Variants in TNPO1 observed in about 807,000 individuals in gnomAD.
TNPO1 encodes the protein transportin 1.
TNPO1 carries 8 observed loss-of-function variants against 119.5 expected under a neutral mutation model. That is an observed-to-expected ratio of 0.07 (90% CI 0.04 to 0.12). The LOEUF is 0.12. Among genes scored for constraint, TNPO1 ranks in the 10% least tolerant of loss-of-function variants. The pLI is 1.00. For missense variants in TNPO1, 576 were observed against 1,089.8 expected, an observed-to-expected ratio of 0.53 and a Z score of 6.64; for synonymous variants, 362 against 363.0, an observed-to-expected ratio of 1.00 and a Z score of 0.03.
chr5:72,874,608 G>A (rs1747636848), intron 7 of TNPO1, among the ~76,000 whole-genome samples: 1 of 152,188 alleles, frequency 6.6e-6, no homozygotes, highest in Non-Finnish European at 1.5e-5. Context: ...AGTTTTGAGA[G>A]TGTCAAATGT....
At chr5:72,835,287 C>T (rs542070846) in intron 1 of TNPO1, among the ~76,000 whole-genome samples, 50 of 152,150 alleles carry the variant, frequency 3.3e-4, no homozygotes, top group South Asian at 1.2e-3. Context: ...TCCAATATTT[C>T]TGTTTTGATT....
At chr5:72,836,933 A>T (rs1310382193) in intron 1 of TNPO1, among the ~76,000 whole-genome samples, 1 of 152,074 alleles carries the variant, frequency 6.6e-6, no homozygotes, top group Non-Finnish European at 1.5e-5. Context: ...TGTCTCAGAG[A>T]CCTCATCAGA....
At position 72,854,994 on chromosome 5, in the gene TNPO1, A is replaced by AT. The variant is rs1293038685; in HGVS notation, c.206-770dup. On this transcript the variant is annotated intron_variant, in intron 3 of 24. Transcript: ENST00000337273. ...CACTGGAGGAAAATGATTTCAAAAA[A>AT]TTTTTTTTTTGTTTTTGAGACAGTC... 3.5e-4 allele frequency among the ~76,000 whole-genome samples: 53 copies of AT among 150,356 alleles called. No homozygotes were observed. The South Asian group carries it at 9.5e-3, about 27-fold the overall frequency.
chr5:72,870,206 A>G (rs1417736004), intron 6 of TNPO1, among the ~76,000 whole-genome samples: 2 of 125,908 alleles, frequency 1.6e-5, no homozygotes, highest in Non-Finnish European at 3.1e-5. Context: ...TGTCTCCCAC[A>G]CTAGAGTGCA....
chr5:72,822,463 C>A (rs1316696550), intron 1 of TNPO1, among the ~76,000 whole-genome samples: 1 of 151,928 alleles, frequency 6.6e-6, no homozygotes, highest in African/African-American at 2.4e-5. Context: ...GTTTCCATTT[C>A]TTAGAGAAAC....
intron 11 of TNPO1, among the ~76,000 whole-genome samples, chr5:72,886,605 G>A (rs949676918): frequency 1.3e-5 from 2 of 152,066 alleles, no homozygotes; most frequent in Non-Finnish European, 2.9e-5. Context: ...CATCTTAATA[G>A]AAAATGTTTT....
In TNPO1 at chr5:72,863,076, A is replaced by G. The variant is rs1282365624; in HGVS notation, c.462+1162A>G. The stretch of plus-strand genomic sequence containing the variant: ...TTTTTTTGCCACTGATTAGATCACT[A>G]GCATCCTTTTTGTTTGGGGAGAGAG... On this transcript the variant is annotated intron_variant, in intron 5 of 24. Transcript: ENST00000337273. Among the ~76,000 whole-genome samples the G allele has an allele frequency of 2.0e-5, 3 of 150,826 alleles. No homozygotes were observed. In the East Asian group the frequency reaches 5.8e-4, roughly 29 times the overall value.
intron 4 of TNPO1, among the ~76,000 whole-genome samples, chr5:72,856,925 C>T (rs191711272): frequency 6.6e-6 from 1 of 152,260 alleles, no homozygotes; most frequent in East Asian, 1.9e-4. Flanking sequence ...CTTTAGTATA[C>T]CATGGGCTTA....
chr5:72,819,945 T>C lies in TNPO1; in HGVS notation c.15+3193T>C, dbSNP rs1157636743. 2.8e-4 allele frequency among the ~76,000 whole-genome samples: 43 copies of C among 152,220 alleles called. 1 individual carries two copies. Among genetic ancestry groups the C allele is most frequent in the Admixed American group, 2.4e-3 (36 of 15,284 alleles). ...ACTGCTGTTATCATCAATGTCATTATCACTGTTAATTATTTCAGAAAACTA... is the reference window on the plus strand; with the variant it reads ...ACTGCTGTTATCATCAATGTCATTACCACTGTTAATTATTTCAGAAAACTA... On this transcript the variant is annotated intron_variant, in intron 1 of 24. Coordinates refer to ENST00000337273, the MANE Select transcript of TNPO1 (RefSeq NM_002270.4).
chr5:72,848,968 C>T (rs1745336052), intron 2 of TNPO1, among the ~76,000 whole-genome samples: 1 of 152,000 alleles, frequency 6.6e-6, no homozygotes, highest in Non-Finnish European at 1.5e-5. Flanking sequence ...CGCCGCCTGA[C>T]TGGCCAGAAA....
chr5:72,865,878 A>G (rs1746851637), intron 6 of TNPO1, 149 bp downstream of exon 6: 2 of 853,268 alleles, frequency 2.3e-6, no homozygotes, highest in East Asian at 2.9e-5. Context: ...GAAATTGACT[A>G]CTTCAGTAAC....
intron 3 of TNPO1, among the ~76,000 whole-genome samples, chr5:72,853,081 T>C (rs1005139749): frequency 1.3e-5 from 2 of 152,250 alleles, no homozygotes; most frequent in Non-Finnish European, 2.9e-5. Flanking sequence ...TACAATATTA[T>C]ACTCTTGAGT....
intron 1 of TNPO1, among the ~76,000 whole-genome samples, chr5:72,830,089 T>G (rs1165714548): frequency 6.6e-6 from 1 of 152,170 alleles, no homozygotes; most frequent in East Asian, 1.9e-4. Flanking sequence ...TAGTTTAATA[T>G]TTAATGTAGG....
chr5:72,820,051 TG>T (rs767829870), intron 1 of TNPO1, among the ~76,000 whole-genome samples: 2 of 152,194 alleles, frequency 1.3e-5, no homozygotes, highest in African/African-American at 2.4e-5. Flanking sequence ...TTCCTTCCAA[TG>T]TTTTTTTCTG....
At chr5:72,824,710 A>G (rs1382137647) in intron 1 of TNPO1, among the ~76,000 whole-genome samples, 2 of 152,076 alleles carry the variant, frequency 1.3e-5, no homozygotes, top group Non-Finnish European at 2.9e-5. Context: ...ATTTGTTTCT[A>G]TCTATGCTCA....
At chr5:72,868,852 C>A (rs1453489637) in intron 6 of TNPO1, among the ~76,000 whole-genome samples, 5 of 151,842 alleles carry the variant, frequency 3.3e-5, no homozygotes, top group African/African-American at 4.8e-5. Context: ...ACTAAAGATA[C>A]AAAAAATTAG....
In TNPO1 at chr5:72,838,373, A is replaced by AT. The variant is rs984307426; in HGVS notation, c.16-10003dup. Among the ~76,000 whole-genome samples the AT allele has an allele frequency of 2.6e-5, 4 of 151,940 alleles. 1 individual carries two copies. Among genetic ancestry groups the AT allele is most frequent in the African/African-American group, 7.2e-5 (3 of 41,476 alleles). On this transcript the variant is annotated intron_variant, in intron 1 of 24. Transcript: ENST00000337273. ...CTATAATGGTTATCCCAGTGTGCTA[A>AT]TTTTTTTTTAATTATCAGCTTGGCT...
At chr5:72,847,630 T>G (rs1745191143) in intron 1 of TNPO1, among the ~76,000 whole-genome samples, 1 of 152,200 alleles carries the variant, frequency 6.6e-6, no homozygotes, top group Non-Finnish European at 1.5e-5. Context: ...CCCAAAGTCC[T>G]TACTTTTGGA....
chr5:72,852,904 T>C (rs1010052597), intron 3 of TNPO1, among the ~76,000 whole-genome samples: 7 of 152,232 alleles, frequency 4.6e-5, no homozygotes, highest in African/African-American at 1.7e-4. Context: ...TGCTTCTTAA[T>C]ATAGAAATTT....
Sources: allele counts gnomAD v4.1 joint callset (sites outside exome capture counted in the v4.1 genomes callset), GRCh38; gene constraint gnomAD v4.1.1; transcripts MANE v1.5; gene names NCBI Gene and HGNC (gene_info 2026-07-23, HGNC 2026-07-21).